Variants in SEPTIN9 observed in about 807,000 individuals in gnomAD.
The protein encoded by SEPTIN9 is septin-9.
Under a neutral mutation model 56.6 loss-of-function variants are expected in SEPTIN9, and 13 were observed. The observed-to-expected ratio is 0.23, with a 90% CI of 0.15 to 0.37. The LOEUF (loss-of-function observed/expected upper bound fraction) is 0.37. Among genes scored for constraint, SEPTIN9 ranks in the 10% least tolerant of loss-of-function variants. The pLI, the probability that SEPTIN9 is intolerant of heterozygous loss-of-function variation, is 1.00. For synonymous variants in SEPTIN9, 332 were observed against 334.1 expected (o/e 0.99, Z 0.07); for missense variants, 650 against 823.1 (o/e 0.79, Z 2.57).
At chr17:77,379,493 T>C (rs2035063502) in intron 2 of SEPTIN9, among the ~76,000 whole-genome samples, 1 of 152,174 alleles carries the variant, frequency 6.6e-6, no homozygotes, top group African/African-American at 2.4e-5. Context: ...ACCTGTGACC[T>C]CTGCCTACCC....
chr17:77,468,682 C>T (rs1022504776), intron 3 of SEPTIN9, among the ~76,000 whole-genome samples: 1 of 152,160 alleles, frequency 6.6e-6, no homozygotes, highest in African/African-American at 2.4e-5. Context: ...TCTGGAGCCA[C>T]AGGAATCTGG....
intron 11 of SEPTIN9, among the ~76,000 whole-genome samples, chr17:77,497,867 C>T (rs2040337538): frequency 6.6e-6 from 1 of 151,372 alleles, no homozygotes; most frequent in Non-Finnish European, 1.5e-5. Context: ...GCAGGTTCTT[C>T]CTCAGCAAGC....
chr17:77,307,116 C>T, intron 1 of SEPTIN9, 25 bp from the exon 2 acceptor site: 1 of 1,613,006 alleles, frequency 6.2e-7, no homozygotes, highest in Non-Finnish European at 8.5e-7. Context: ...CTTGTGTGAC[C>T]TTTGCCCTTT....
In SEPTIN9 at chr17:77,477,620, A is replaced by T. The variant is rs74851328; in HGVS notation, c.722-4524A>T. On this transcript the variant is annotated intron_variant, in intron 3 of 11. Transcript: ENST00000427177. ...TAGGAGCTGGGGATATCACTGAGTA[A>T]GCCACAGCCTCGGGCACCCAGGAGC... 9.8e-3 allele frequency among the ~76,000 whole-genome samples: 1,487 copies of T among 152,238 alleles called. 20 individuals carry two copies. Among genetic ancestry groups the T allele is most frequent in the South Asian group, 0.032 (154 of 4,818 alleles).
intron 1 of SEPTIN9, among the ~76,000 whole-genome samples, chr17:77,300,272 A>G (rs1218231052): frequency 3.9e-5 from 6 of 152,150 alleles, no homozygotes; most frequent in African/African-American, 1.4e-4. Flanking sequence ...AATGCCTTCT[A>G]CAGTGTTTAT....
intron 2 of SEPTIN9, among the ~76,000 whole-genome samples, chr17:77,363,951 C>T (rs1423978418): frequency 1.3e-5 from 2 of 151,672 alleles, no homozygotes; most frequent in African/African-American, 2.4e-5. Flanking sequence ...TTGGCTGGGC[C>T]GAGTCATCGT....
At chr17:77,484,910 A>ATTGTGATGGTGGTGAAGGGGG (rs2039657857) in intron 4 of SEPTIN9, among the ~76,000 whole-genome samples, 1 of 13,682 alleles carries the variant, frequency 7.3e-5, no homozygotes. Flanking sequence ...GGTGATGGTG[A>ATTGTGATGGTGGTGAAGGGGG]TGATGGTGGT....
At chr17:77,481,049 G>A (rs2039435275) in intron 3 of SEPTIN9, among the ~76,000 whole-genome samples, 1 of 152,198 alleles carries the variant, frequency 6.6e-6, no homozygotes, top group African/African-American at 2.4e-5. Context: ...GGTGTGCTGG[G>A]ACCTGGCCCG....
chr17:77,334,189 G>A (rs1233234572), intron 2 of SEPTIN9, among the ~76,000 whole-genome samples: 2 of 152,076 alleles, frequency 1.3e-5, no homozygotes, highest in South Asian at 2.1e-4. Flanking sequence ...TTGGGAGGCC[G>A]AGGCGGGCAG....
In SEPTIN9 at chr17:77,390,425, T is replaced by TAAA. The variant is rs570951109; in HGVS notation, c.77-11622_77-11620dup. On this transcript the variant is annotated intron_variant, in intron 2 of 11. Transcript: ENST00000427177. ...TCACCTCCCCTTCATGTTTCAGAGG[T>TAAA]AAAAAAAAAAAAAACTGCACATTTC... Among the ~76,000 whole-genome samples the TAAA allele has an allele frequency of 1.9e-4, 20 of 106,368 alleles. No individual in the cohort carries two copies. The South Asian group carries it at 2.9e-3, about 15-fold the overall frequency. 69.8% of individuals were successfully genotyped at this position (106,368 alleles called of 152,430 possible).
intron 2 of SEPTIN9, among the ~76,000 whole-genome samples, chr17:77,333,137 T>G (rs925730200): frequency 6.6e-6 from 1 of 152,240 alleles, no homozygotes; most frequent in African/African-American, 2.4e-5. Context: ...GCTGTCACTC[T>G]GTGAAATCTT....
At chr17:77,412,412 G>A (rs553404187) in intron 3 of SEPTIN9, among the ~76,000 whole-genome samples, 10 of 152,282 alleles carry the variant, frequency 6.6e-5, no homozygotes, top group African/African-American at 1.9e-4. Context: ...TTTGGAAGGT[G>A]TATCCTTTTC....
In SEPTIN9 at chr17:77,449,838, A is replaced by G. The variant is rs1421931893; in HGVS notation, c.722-32306A>G. ...TCTGAGTGGCCGCACTTCCTGGCCT[A>G]GACGTGTGTGTCTTGCTGTAATTTT... On this transcript the variant is annotated intron_variant, in intron 3 of 11. Transcript: ENST00000427177. This position sits in a 1 kb window ranked among gnomAD's most constrained non-coding sequence, Gnocchi z 4.6. Among the ~76,000 whole-genome samples the G allele has an allele frequency of 1.3e-5, 2 of 152,170 alleles. No individual in the cohort carries two copies. The highest frequency in any genetic ancestry group is 4.8e-5 in the African/African-American group (2 of 41,418).
At chr17:77,455,361 T>TC (rs2038153033) in intron 3 of SEPTIN9, among the ~76,000 whole-genome samples, 2 of 152,136 alleles carry the variant, frequency 1.3e-5, no homozygotes, top group Non-Finnish European at 2.9e-5. Context: ...CTGGCAGCAC[T>TC]CCCTTCTCAG....
intron 3 of SEPTIN9, among the ~76,000 whole-genome samples, chr17:77,479,533 G>A (rs555809136): frequency 1.3e-5 from 2 of 152,366 alleles, no homozygotes; most frequent in South Asian, 2.1e-4. Context: ...ACTGCCCTAC[G>A]TCAATGGCAA....
intron 3 of SEPTIN9, chr17:77,442,200 T>C (rs1424936301): frequency 1.3e-5 from 2 of 152,154 alleles, no homozygotes; most frequent in African/African-American, 4.8e-5. Flanking sequence ...CTCTTCCCAC[T>C]TGTTTTGTTT....
intron 3 of SEPTIN9, among the ~76,000 whole-genome samples, chr17:77,468,811 A>G (rs1383306953): frequency 6.9e-6 from 1 of 145,062 alleles, no homozygotes; most frequent in Non-Finnish European, 1.5e-5. Context: ...GGGGCAGCTA[A>G]TGGTGGTGGC....
chr17:77,492,971 G>T lies in SEPTIN9; in HGVS notation c.1477-9G>T. ...CATGTGTAACCAATACCGTCTGCCC[G>T]TTCCCCAGGAGATGATCCCATTTGC... is the stretch of plus-strand genomic sequence containing the variant. On this transcript the variant is annotated splice_polypyrimidine_tract_variant and intron_variant, in intron 9 of 11. Coordinates refer to ENST00000427177, the MANE Select transcript of SEPTIN9 (RefSeq NM_001113491.2). The surrounding 1 kb of genome is among the most constrained non-coding windows in gnomAD (Gnocchi z 5.4). 1 of 1,560,712 alleles carries T rather than the reference G, an allele frequency of 6.4e-7. No individual in the cohort carries two copies. Among genetic ancestry groups the T allele is most frequent in the Non-Finnish European group, 8.7e-7 (1 of 1,152,294 alleles).
At chr17:77,281,611 C>T (rs1213263313) in intron 1 of SEPTIN9, 57 bp downstream of exon 1, 12 of 1,481,388 alleles carry the variant, frequency 8.1e-6, no homozygotes, top group Non-Finnish European at 1.1e-5. Context: ...GCGCTGCTCA[C>T]CTGAGTGCCT....
Sources: gnomAD v4.1 joint callset for allele counts (sites outside exome capture counted in the v4.1 genomes callset) on GRCh38, gnomAD v4.1.1 for gene constraint, Gnocchi (gnomAD v3.1) non-coding constraint, MANE v1.5 for transcripts, NCBI Gene and HGNC (gene_info 2026-07-23, HGNC 2026-07-21) for gene names.